AKAP4: variants seen among roughly 807,000 people sequenced by gnomAD.
AKAP4 encodes A-kinase anchoring protein 4.
Under a neutral mutation model 42.6 loss-of-function variants are expected in AKAP4, and 4 were observed. That is an observed-to-expected ratio of 0.09 (90% CI 0.05 to 0.22). The LOEUF (loss-of-function observed/expected upper bound fraction) is 0.22, where lower values mean the gene tolerates loss of function less well. Ranked by LOEUF, AKAP4 falls within the 10% of genes least tolerant of loss-of-function variation. The pLI, the probability that AKAP4 is intolerant of heterozygous loss-of-function variation, is 1.00. For synonymous variants in AKAP4, 223 were observed against 233.0 expected (o/e 0.96, Z 0.39); for missense variants, 551 against 630.7 (o/e 0.87, Z 1.35).
At chrX:50,198,932 C>T (rs1557204627) in intron 1 of AKAP4, among the ~76,000 whole-genome samples, 180 bp from the exon 2 acceptor site, 2 of 111,171 alleles carry the variant, frequency 1.8e-5, no homozygotes, top group Admixed American at 9.6e-5. Context: ...GAACTTGATG[C>T]TTAGGATCAT....
chrX:50,196,265 C>T (rs782156073), intron 4 of AKAP4, among the ~76,000 whole-genome samples: 1 of 111,511 alleles, frequency 9.0e-6, no homozygotes, highest in African/African-American at 3.3e-5. Context: ...TTTGATTCCT[C>T]TGCATTAAAG....
At chrX:50,197,881 TATTA>T in intron 2 of AKAP4, among the ~76,000 whole-genome samples, 1 of 112,279 alleles carries the variant, frequency 8.9e-6, no homozygotes, top group African/African-American at 3.2e-5. Context: ...TATCCACATG[TATTA>T]ATTGAGAAAA....
intron 1 of AKAP4, among the ~76,000 whole-genome samples, 186 bp from the exon 2 acceptor site, chrX:50,198,938 A>G (rs1364201235): frequency 9.0e-6 from 1 of 111,025 alleles, no homozygotes; most frequent in African/African-American, 3.3e-5. Flanking sequence ...GATGCTTAGG[A>G]TCATTATCTT....
At chrX:50,194,666 C>T (rs1557204182) in intron 4 of AKAP4, among the ~76,000 whole-genome samples, 1 of 109,658 alleles carries the variant, frequency 9.1e-6, no homozygotes, top group African/African-American at 3.3e-5. Flanking sequence ...TGTCTGCCAA[C>T]TCATATGAAT....
rs370785257 is a variant in AKAP4, at chrX:50,192,463, G to C, written c.2250C>G (p.Asn750Lys). 2 of 1,208,105 alleles carry C rather than the reference G, an allele frequency of 1.7e-6. No homozygotes were observed. Among genetic ancestry groups the C allele is most frequent in the Non-Finnish European group, 2.2e-6 (2 of 894,348 alleles). ...CTTCATGTCCAAGAGAGTCTTGATA[G>C]TTCTGTGGCATTGCACCACTGTGAA... ...RCIHSGAMPQNYQDSLGHEVI... is the reference protein window; with the variant it reads ...RCIHSGAMPQKYQDSLGHEVI... Residue 750 changes from asparagine (N) to lysine (K), a missense_variant, in exon 5 of 6, where the codon AAC (asparagine) becomes AAG (lysine). By Grantham distance (94) the Asn-to-Lys change is moderately conservative. Transcript: ENST00000358526.
intron 5 of AKAP4, among the ~76,000 whole-genome samples, chrX:50,191,820 C>T (rs1935116824): frequency 9.1e-6 from 1 of 110,287 alleles, no homozygotes; most frequent in Admixed American, 9.7e-5. Flanking sequence ...ACTCTCAGGG[C>T]ACTTGCAGGA....
Position 50,190,948 on chromosome X carries a change from T to C in AKAP4, c.*12A>G, listed in dbSNP as rs1935098833. On this transcript the variant is annotated 3_prime_UTR_variant, in exon 6 of 6. Coordinates refer to ENST00000358526, the MANE Select transcript of AKAP4 (RefSeq NM_003886.3). ...CTAGGGGGGCTAAGATGAAGAGGAG[T>C]CAAGGATCAGCTCACAGGTTAGCGA... 1.7e-6 allele frequency: 2 copies of C among 1,207,263 alleles called. No individual in the cohort carries two copies.
In AKAP4 at chrX:50,197,540, G is replaced by A. The variant is rs199918867; in HGVS notation, c.174+4C>T. The A allele has an allele frequency of 1.6e-4, 197 of 1,197,729 alleles. No individual in the cohort carries two copies. In the African/African-American group the frequency reaches 2.9e-3, roughly 18 times the overall value. On this transcript the variant is annotated splice_donor_region_variant and intron_variant, in intron 3 of 5. Coordinates refer to ENST00000358526, the MANE Select transcript of AKAP4 (RefSeq NM_003886.3). ...GATTCTGACTCTGAGCAGAGAATAC[G>A]CACCTTGTAATCTTTATCTTCTACA... is the stretch of plus-strand genomic sequence containing the variant.
intron 1 of AKAP4, chrX:50,200,237 A>T (rs1279749383): frequency 2.7e-6 from 2 of 751,957 alleles, no homozygotes; most frequent in Non-Finnish European, 3.1e-6. Flanking sequence ...TACCTTGATG[A>T]TGAAGTTCTT....
rs1935225533 is a variant in AKAP4 at position 50,198,901 on chromosome X, G to A, written c.28-149C>T. On this transcript the variant is annotated intron_variant, in intron 1 of 5. Transcript: ENST00000358526. ...GCTAGGAACTGGTGGGGTGAGCAGT[G>A]GGGGACACATTGAGATGTTTGAACT... 1.0e-5 allele frequency: 4 copies of A among 398,068 alleles called. No homozygotes were observed. In the East Asian group the frequency reaches 1.2e-4, roughly 12 times the overall value. The allele number at this position is 398,068 out of a possible 1,213,427, so 32.8% of individuals were successfully genotyped here. A position where few individuals can be genotyped will look rare whatever the true frequency, so the allele number is the denominator to read the frequency against.
Position 50,193,927 on chromosome X carries a change from A to T in AKAP4, c.786T>A (p.Ser262Arg), listed in dbSNP as rs782148058. Residue 262 changes from serine to arginine, a missense_variant, in exon 5 of 6, where the codon AGT (serine) becomes AGA (arginine). By Grantham distance (110) the Ser-to-Arg change is moderately radical (BLOSUM62 -1). Coordinates refer to ENST00000358526, the MANE Select transcript of AKAP4 (RefSeq NM_003886.3). ...CAATCTTGCTCGCAGGAGTTCGGGG[A>T]CTGATTCTCTCTTTGTTCCCAGGGG... Reference protein sequence around the residue: ...CPSPGNKERISPRTPASKIAS... With the variant: ...CPSPGNKERIRPRTPASKIAS... 1 of 1,211,762 alleles carries T rather than the reference A, an allele frequency of 8.3e-7. No individual in the cohort carries two copies.
chrX:50,198,613 G>A (rs1557204577), intron 2 of AKAP4, 44 bp downstream of exon 2: 3 of 1,045,087 alleles, frequency 2.9e-6, no homozygotes, highest in Non-Finnish European at 4.0e-6. Flanking sequence ...ATACCCATAT[G>A]CCAATTTTTC....
rs782433515 is a variant in AKAP4 at position 50,194,294 on chromosome X, A to G, written c.419T>C (p.Val140Ala). Residue 140 changes from valine to alanine, a missense_variant, in exon 5 of 6, where the codon GTA becomes GCA. By Grantham distance (64) the Val-to-Ala change is moderately conservative (BLOSUM62 0). Transcript: ENST00000358526. ...SPSTSTCKHKVGDTEGEYHRA... is the reference protein window; with the variant it reads ...SPSTSTCKHKAGDTEGEYHRA... Reference sequence around the variant, plus strand: ...GTGATATTCGCCCTCTGTGTCTCCTACTTTATGTTTACAGGTAGAGGTTGA... The same window carrying G: ...GTGATATTCGCCCTCTGTGTCTCCTGCTTTATGTTTACAGGTAGAGGTTGA... The G allele has an allele frequency of 8.3e-7, 1 of 1,209,520 alleles. No individual in the cohort carries two copies. The highest frequency in any genetic ancestry group is 1.8e-5 in the South Asian group (1 of 56,558).
rs1557204137 is a variant in AKAP4, at chrX:50,194,288, T to A, written c.425A>T (p.Asp142Val). The A allele has an allele frequency of 8.3e-7, 1 of 1,209,797 alleles. No individual in the cohort carries two copies. The highest frequency in any genetic ancestry group is 1.8e-5 in the South Asian group (1 of 56,549). Residue 142 changes from aspartate (D) to valine (V), a missense_variant, in exon 5 of 6, where the codon GAC (aspartate) becomes GTC (valine). Coordinates refer to ENST00000358526, the MANE Select transcript of AKAP4 (RefSeq NM_003886.3). ...STSTCKHKVGDTEGEYHRASS... is the reference protein window; with the variant it reads ...STSTCKHKVGVTEGEYHRASS... The stretch of plus-strand genomic sequence containing the variant: ...TGCTCTGTGATATTCGCCCTCTGTG[T>A]CTCCTACTTTATGTTTACAGGTAGA...
intron 4 of AKAP4, 51 bp from the exon 5 acceptor site, chrX:50,194,487 T>C (rs1557204169): frequency 3.0e-6 from 3 of 1,001,917 alleles, no homozygotes; most frequent in African/African-American, 4.0e-5. Context: ...GCTACTTTTT[T>C]CCCTTATTTT....
In AKAP4 at chrX:50,190,850, T is replaced by G; in HGVS notation, c.*110A>C. 2.2e-6 allele frequency: 2 copies of G among 922,675 alleles called. No homozygotes were observed. 76.0% of individuals were successfully genotyped at this position (922,675 alleles called of 1,213,427 possible). A position where few individuals can be genotyped will look rare whatever the true frequency, so the allele number is the denominator to read the frequency against. Reference sequence around the variant, plus strand: ...TTCACAGGCAACTGCTCAAGTGTATTGGGAAATACAGTTGTGTATTGTGCA... The same window carrying G: ...TTCACAGGCAACTGCTCAAGTGTATGGGGAAATACAGTTGTGTATTGTGCA... On this transcript the variant is annotated 3_prime_UTR_variant, in exon 6 of 6. Transcript: ENST00000358526.
intron 4 of AKAP4, 77 bp from the exon 5 acceptor site, chrX:50,194,513 C>T: frequency 1.2e-6 from 1 of 849,914 alleles, no homozygotes; most frequent in Non-Finnish European, 1.6e-6. Flanking sequence ...GAAGATGTAT[C>T]AGATTAGGGA....
In AKAP4 at chrX:50,195,287, A is replaced by G. The variant is rs1426506224; in HGVS notation, c.277-851T>C. Among the ~76,000 whole-genome samples, 11 of 111,877 alleles carry G rather than the reference A, an allele frequency of 9.8e-5. No individual in the cohort carries two copies. In the Admixed American group the frequency reaches 1.0e-3, roughly 11 times the overall value. The stretch of plus-strand genomic sequence containing the variant: ...TCAATATTTGACCATGTGTATGTCA[A>G]TGTTGTACATACCCTGGTATTTGAG... On this transcript the variant is annotated intron_variant, in intron 4 of 5. Coordinates refer to ENST00000358526, the MANE Select transcript of AKAP4 (RefSeq NM_003886.3).
chrX:50,193,281 C>T lies in AKAP4; in HGVS notation c.1432G>A (p.Asp478Asn). Residue 478 changes from aspartate to asparagine, a missense_variant, in exon 5 of 6, where the codon GAC becomes AAC. By Grantham distance (23) the Asp-to-Asn change is conservative. Transcript: ENST00000358526. ...STMKAEMKER[D>N]KGKMKSDPCK... is the part of the protein sequence containing the mutation. ...GGGTCTGATTTCATTTTGCCTTTGTCCCTCTCTTTCATTTCAGCTTTCATG... is the reference window on the plus strand; with the variant it reads ...GGGTCTGATTTCATTTTGCCTTTGTTCCTCTCTTTCATTTCAGCTTTCATG... 1 of 1,211,358 alleles carries T rather than the reference C, an allele frequency of 8.3e-7. No homozygotes were observed. The highest frequency in any genetic ancestry group is 1.1e-6 in the Non-Finnish European group (1 of 895,512).
Sources: gnomAD v4.1 joint callset for allele counts (sites outside exome capture counted in the v4.1 genomes callset) on GRCh38, gnomAD v4.1.1 for gene constraint, MANE v1.5 for transcripts, NCBI Gene and HGNC (gene_info 2026-07-23, HGNC 2026-07-21) for gene names.